The following DOT1L variants were observed in gnomAD, a reference collection of about 807,000 sequenced individuals.
DOT1L encodes the protein DOT1 like histone lysine methyltransferase, also known as histone-lysine N-methyltransferase, H3 lysine-79 specific.
DOT1L carries 33 observed loss-of-function variants against 153.3 expected under a neutral mutation model. The observed-to-expected ratio is 0.22, with a 90% CI of 0.16 to 0.29. DOT1L has a LOEUF of 0.29. DOT1L is among the 10% of genes least tolerant of loss of function. The pLI is 1.00. For synonymous variants in DOT1L, 1,135 were observed against 965.1 expected (o/e 1.18, Z -3.26); for missense variants, 1,847 against 2,119.9 (o/e 0.87, Z 2.53).
chr19:2,228,451 G>A lies in DOT1L; in HGVS notation c.4606+1324G>A, dbSNP rs2024461341. ...CTGTCCTTCCTTTGGCAGAGAAGAC[G>A]GCCACAGGGCTCGGCAGAAGTTCCG... On this transcript the variant is annotated intron_variant, in intron 27 of 27. Transcript: ENST00000398665. 1.5e-5 allele frequency: 18 copies of A among 1,224,006 alleles called. No homozygotes were observed. The Middle Eastern group carries it at 1.6e-3, about 108-fold the overall frequency. 75.8% of individuals were successfully genotyped at this position (1,224,006 alleles called of 1,614,324 possible).
At chr19:2,174,958 ATGTGTGTGTGTGTGTGTGTG>A (rs71337121) in intron 1 of DOT1L, among the ~76,000 whole-genome samples, 3 of 129,992 alleles carry the variant, frequency 2.3e-5, no homozygotes, top group Non-Finnish European at 1.6e-5. Context: ...TTTTAAATAT[ATGTGTGTGTGTGTGTGTGTG>A]TGTGTGTGTG....
rs914492897 is a variant in DOT1L at position 2,191,256 on chromosome 19, C to A, written c.493+16C>A. 4.3e-6 allele frequency: 7 copies of A among 1,612,256 alleles called. No individual in the cohort carries two copies. Among genetic ancestry groups the A allele is most frequent in the Non-Finnish European group, 5.9e-6 (7 of 1,179,034 alleles). ...TTGGGGAGCGGTGAGTGTCGCCCGCCATGCCCGGCTCCTGTGCACTTCCAG... is the reference window on the plus strand; with the variant it reads ...TTGGGGAGCGGTGAGTGTCGCCCGCAATGCCCGGCTCCTGTGCACTTCCAG... On this transcript the variant is annotated intron_variant, in intron 5 of 27. Transcript: ENST00000398665. This position sits in a 1 kb window ranked among gnomAD's most constrained non-coding sequence, Gnocchi z 6.8.
At position 2,180,447 on chromosome 19, in the gene DOT1L, T is replaced by G. The variant is rs117842091; in HGVS notation, c.82-266T>G. ...GGGAGAGGAGCAGGACCGGGGGCCA[T>G]AGACTCCATCCCAGGCCGCTGCCTG... On this transcript the variant is annotated intron_variant, in intron 1 of 27. Coordinates refer to ENST00000398665, the MANE Select transcript of DOT1L (RefSeq NM_032482.3). 8.1e-3 allele frequency among the ~76,000 whole-genome samples: 1,234 copies of G among 152,174 alleles called. 9 individuals carry two copies. The highest frequency in any genetic ancestry group is 0.013 in the Non-Finnish European group (894 of 67,986).
chr19:2,191,278 C>G lies in DOT1L; in HGVS notation c.493+38C>G. ...CGCCATGCCCGGCTCCTGTGCACTTCCAGGCCACACGCTCTGTGCCTGCCC... is the reference window on the plus strand; with the variant it reads ...CGCCATGCCCGGCTCCTGTGCACTTGCAGGCCACACGCTCTGTGCCTGCCC... On this transcript the variant is annotated intron_variant, in intron 5 of 27. Coordinates refer to ENST00000398665, the MANE Select transcript of DOT1L (RefSeq NM_032482.3). This position sits in a 1 kb window ranked among gnomAD's most constrained non-coding sequence, Gnocchi z 6.8. 1 of 1,593,642 alleles carries G rather than the reference C, an allele frequency of 6.3e-7. No homozygotes were observed.
intron 7 of DOT1L, among the ~76,000 whole-genome samples, chr19:2,196,493 C>T (rs1275557485): frequency 6.6e-6 from 1 of 152,132 alleles, no homozygotes; most frequent in Non-Finnish European, 1.5e-5. Flanking sequence ...CCACCACGCC[C>T]GGCTAATTTT....
chr19:2,185,378 C>T (rs572273675), intron 2 of DOT1L, among the ~76,000 whole-genome samples: 8 of 152,310 alleles, frequency 5.3e-5, no homozygotes, highest in Admixed American at 3.9e-4. Flanking sequence ...TGGTAAACAT[C>T]GTAGCCTTCG....
chr19:2,228,172 A>T (rs1231631044), intron 27 of DOT1L: 1 of 1,363,670 alleles, frequency 7.3e-7, no homozygotes, highest in Non-Finnish European at 9.8e-7. Flanking sequence ...TCCCTCCCGC[A>T]CAAGGGCGCC....
In DOT1L at chr19:2,207,692, G is replaced by A. The variant is rs374841064; in HGVS notation, c.963+12G>A. On this transcript the variant is annotated intron_variant, in intron 11 of 27. Coordinates refer to ENST00000398665, the MANE Select transcript of DOT1L (RefSeq NM_032482.3). The surrounding 1 kb of genome is among the most constrained non-coding windows in gnomAD (Gnocchi z 4.5). ...TCGACCGCACCATAGTGAGTATCTC[G>A]CTGCGCCTCAGCCGCAGGGCCGTCC... The A allele has an allele frequency of 8.7e-6, 14 of 1,603,390 alleles. No homozygotes were observed. The highest frequency in any genetic ancestry group is 6.7e-5 in the East Asian group (3 of 44,696).
chr19:2,169,128 G>A (rs971855761), intron 1 of DOT1L, among the ~76,000 whole-genome samples: 5 of 152,084 alleles, frequency 3.3e-5, no homozygotes, highest in East Asian at 3.9e-4. Flanking sequence ...TACATGTTCC[G>A]CCTGACAGCC....
At chr19:2,214,954 G>T (rs958462650) in intron 19 of DOT1L, among the ~76,000 whole-genome samples, 2 of 152,232 alleles carry the variant, frequency 1.3e-5, no homozygotes, top group African/African-American at 2.4e-5. Flanking sequence ...AGGGGCTTAT[G>T]CCTGTAATCC....
chr19:2,227,212 T>A, intron 27 of DOT1L, 85 bp downstream of exon 27: 2 of 1,527,758 alleles, frequency 1.3e-6, no homozygotes, highest in South Asian at 2.3e-5. Context: ...CGCACTCTCT[T>A]GCAGCAGGAG....
chr19:2,196,213 T>C (rs2023013835), intron 7 of DOT1L, among the ~76,000 whole-genome samples: 1 of 152,250 alleles, frequency 6.6e-6, no homozygotes, highest in African/African-American at 2.4e-5. Flanking sequence ...CCCCGATCCC[T>C]GGTGGCCCCG....
intron 27 of DOT1L, chr19:2,227,678 T>A: frequency 7.8e-7 from 1 of 1,287,318 alleles, no homozygotes. Flanking sequence ...CGGCTGCTGC[T>A]CTGCGCTTGC....
chr19:2,209,307 A>G (rs964555160), intron 12 of DOT1L, among the ~76,000 whole-genome samples: 9 of 150,186 alleles, frequency 6.0e-5, no homozygotes, highest in Non-Finnish European at 1.2e-4. Flanking sequence ...GCCTGTCTTC[A>G]TGCTTTGCCT....
At chr19:2,189,188 G>C (rs2022683045) in intron 3 of DOT1L, among the ~76,000 whole-genome samples, 1 of 152,196 alleles carries the variant, frequency 6.6e-6, no homozygotes, top group Admixed American at 6.5e-5. Context: ...TTGGAGCTTT[G>C]GAAGGACACG....
At chr19:2,227,701 G>A in intron 27 of DOT1L, 1 of 1,297,948 alleles carries the variant, frequency 7.7e-7, no homozygotes, top group Non-Finnish European at 1.0e-6. Context: ...GGATGCTGCC[G>A]CTTGTTGAAG....
rs2144931685 is a variant in DOT1L, at chr19:2,226,461, A to G, written c.3940A>G (p.Asn1314Asp). ...ACTCAGCCCGGGCACCAACCCTGCCAACGGCTGCACCTTCGGCGGGGGCCT... is the reference window on the plus strand; with the variant it reads ...ACTCAGCCCGGGCACCAACCCTGCCGACGGCTGCACCTTCGGCGGGGGCCT... ...DGLSPGTNPANGCTFGGGLAA... is the reference protein window; with the variant it reads ...DGLSPGTNPADGCTFGGGLAA... Residue 1314 changes from asparagine to aspartate, a missense_variant, in exon 27 of 28, where the codon AAC becomes GAC. Physicochemically the swap from Asn to Asp is conservative, Grantham distance 23. Around this residue, in one of 8 missense-constraint regions of DOT1L, gnomAD observed 934 missense variants for 825.3 expected, o/e 1.13. Transcript: ENST00000398665. 6.2e-7 allele frequency: 1 copy of G among 1,601,900 alleles called. No homozygotes were observed. The highest frequency in any genetic ancestry group is 8.5e-7 in the Non-Finnish European group (1 of 1,179,560).
intron 7 of DOT1L, among the ~76,000 whole-genome samples, chr19:2,196,261 G>C (rs1302079883): frequency 6.6e-6 from 1 of 152,266 alleles, no homozygotes; most frequent in Non-Finnish European, 1.5e-5. Flanking sequence ...GCTCTGCCTT[G>C]GGCGTCCTGG....
At chr19:2,227,542 G>A (rs1288093899) in intron 27 of DOT1L, 5 of 599,936 alleles carry the variant, frequency 8.3e-6, no homozygotes, top group Admixed American at 3.2e-5. Flanking sequence ...CTGGCCCTGG[G>A]GCTGCTGCGG....
Sources: allele counts gnomAD v4.1 joint callset (sites outside exome capture counted in the v4.1 genomes callset), GRCh38; gene constraint gnomAD v4.1.1; regional missense constraint gnomAD v4.1.1; non-coding constraint Gnocchi (gnomAD v3.1); transcripts MANE v1.5; gene names NCBI Gene and HGNC (gene_info 2026-07-23, HGNC 2026-07-21).